Variants in LARP1B observed in about 807,000 individuals in gnomAD.
The protein encoded by LARP1B is la-related protein 1B.
Under a neutral mutation model 114.2 loss-of-function variants are expected in LARP1B, and 76 were observed. The ratio of observed to expected loss-of-function variants is 0.67; its 90% CI spans 0.55 to 0.81. The LOEUF is 0.81. Ranked by LOEUF, LARP1B falls within the 30% of genes least tolerant of loss-of-function variation. The probability of loss-of-function intolerance (pLI) is 0.00; values close to 1 mark genes in which losing one functional copy is unlikely to be tolerated. For synonymous variants in LARP1B, 345 were observed against 348.0 expected (o/e 0.99, Z 0.10); for missense variants, 1,014 against 1,075.8 (o/e 0.94, Z 0.80).
chr4:128,216,985 CA>C (rs1759548154), downstream of LARP1B, among the ~76,000 whole-genome samples: 1 of 151,104 alleles, frequency 6.6e-6, no homozygotes, highest in Non-Finnish European at 1.5e-5. Flanking sequence ...CACAGAAATA[CA>C]AACTACCATC....
chr4:128,084,402 C>A (rs1772403153), intron 5 of LARP1B, among the ~76,000 whole-genome samples: 1 of 152,266 alleles, frequency 6.6e-6, no homozygotes, highest in Non-Finnish European at 1.5e-5. Flanking sequence ...GCTGGCGGAT[C>A]ACTCGCGGTT....
chr4:128,156,788 G>T (rs1270151050), intron 11 of LARP1B, among the ~76,000 whole-genome samples: 1 of 146,076 alleles, frequency 6.8e-6, no homozygotes, highest in Non-Finnish European at 1.5e-5. Flanking sequence ...TCCACAGTGA[G>T]AGCAGCTGCT....
chr4:128,193,274 C>T (rs1451030118), intron 15 of LARP1B, among the ~76,000 whole-genome samples: 1 of 152,070 alleles, frequency 6.6e-6, no homozygotes, highest in Non-Finnish European at 1.5e-5. Flanking sequence ...ACATTAAATC[C>T]TTCATATATA....
At chr4:128,167,219 G>C (rs747299834) in intron 12 of LARP1B, among the ~76,000 whole-genome samples, 2 of 151,780 alleles carry the variant, frequency 1.3e-5, no homozygotes, top group East Asian at 3.9e-4. Context: ...CATTTCCTTT[G>C]GGTATATATA....
downstream of LARP1B, among the ~76,000 whole-genome samples, chr4:128,216,701 C>G (rs945327242): frequency 2.8e-4 from 42 of 150,012 alleles, 1 homozygote; most frequent in South Asian, 6.4e-4. Context: ...AGGAAAGATC[C>G]AAAATTGACA....
intron 1 of LARP1B, among the ~76,000 whole-genome samples, chr4:128,063,094 C>T (rs1233191513): frequency 6.6e-6 from 1 of 152,014 alleles, no homozygotes; most frequent in East Asian, 1.9e-4. Context: ...GCTGTATGGC[C>T]GTCGGTGCTT....
Position 128,124,983 on chromosome 4 carries a change from A to G in LARP1B, c.1524+2795A>G, listed in dbSNP as rs73848732. On this transcript the variant is annotated intron_variant, in intron 11 of 19. Coordinates refer to ENST00000326639, the MANE Select transcript of LARP1B (RefSeq NM_018078.4). ...CTGCAAAAAGAGTTTTGGTGGATCC[A>G]GAAGCTATGTTGAACTGGACCAAAG... Among the ~76,000 whole-genome samples, 1,510 of 152,330 alleles carry G rather than the reference A, an allele frequency of 9.9e-3. 23 individuals are homozygous for G. The highest frequency in any genetic ancestry group is 0.033 in the African/African-American group (1,381 of 41,580).
chr4:128,132,472 C>T lies in LARP1B; in HGVS notation c.1524+10284C>T, dbSNP rs546115535. 1.3e-3 allele frequency among the ~76,000 whole-genome samples: 200 copies of T among 152,164 alleles called. 2 individuals are homozygous for T. Among genetic ancestry groups the T allele is most frequent in the Non-Finnish European group, 2.4e-3 (161 of 68,000 alleles). ...TGTTGGCCAGGCTGGTCTCAAACTC[C>T]TGACCTCAAGTGATCTGCCTGCATC... On this transcript the variant is annotated intron_variant, in intron 11 of 19. Transcript: ENST00000326639.
intron 9 of LARP1B, among the ~76,000 whole-genome samples, chr4:128,114,184 AGCTTAACTATG>A (rs1785046979): frequency 6.6e-6 from 1 of 152,330 alleles, no homozygotes; most frequent in African/African-American, 2.4e-5. Context: ...ATGTGCATTT[AGCTTAACTATG>A]GCTTAATAGC....
At position 128,091,399 on chromosome 4, in the gene LARP1B, A is replaced by T; in HGVS notation, c.555A>T (p.Gln185His). The T allele has an allele frequency of 1.2e-6, 2 of 1,612,366 alleles. No individual in the cohort carries two copies. Among genetic ancestry groups the T allele is most frequent in the South Asian group, 2.2e-5 (2 of 91,008 alleles). ...GYQEHGERTD[Q>H]PFQTELNTSM... ...AAGAACATGGTGAAAGGACTGATCA[A>T]CCATTTCAAACAGAACTTAATACCA... is the stretch of plus-strand genomic sequence containing the variant. Residue 185 changes from glutamine to histidine, a missense_variant, in exon 7 of 20, where the codon CAA becomes CAT. Transcript: ENST00000326639.
chr4:128,072,860 T>C (rs1579811542), intron 1 of LARP1B, among the ~76,000 whole-genome samples: 1 of 152,140 alleles, frequency 6.6e-6, no homozygotes, highest in East Asian at 1.9e-4. Context: ...GCCTGGCCTG[T>C]ATATATAAAA....
intron 11 of LARP1B, chr4:128,122,930 ATTAAGT>A (rs1310004700): frequency 2.0e-6 from 2 of 985,876 alleles, no homozygotes; most frequent in Non-Finnish European, 2.4e-6. Flanking sequence ...TTTTTCTGCT[ATTAAGT>A]TTATCAGAAA....
intron 19 of LARP1B, among the ~76,000 whole-genome samples, chr4:128,209,103 A>G (rs1477812871): frequency 6.6e-6 from 1 of 152,150 alleles, no homozygotes; most frequent in Admixed American, 6.5e-5. Flanking sequence ...CTCAGGCCCT[A>G]AAAAATGAGA....
intron 5 of LARP1B, among the ~76,000 whole-genome samples, chr4:128,086,044 C>T (rs1478452806): frequency 1.5e-5 from 2 of 136,864 alleles, no homozygotes; most frequent in African/African-American, 5.6e-5. Context: ...GACTGAGTCT[C>T]GCTCTGTCGC....
At position 128,069,198 on chromosome 4, in the gene LARP1B, C is replaced by T. The variant is rs1173830058; in HGVS notation, c.-77-5262C>T. 4.5e-6 allele frequency: 5 copies of T among 1,104,984 alleles called. No homozygotes were observed. In the Admixed American group the frequency reaches 5.1e-5, roughly 11 times the overall value. The allele number at this position is 1,104,984 out of a possible 1,614,324, so 68.4% of individuals were successfully genotyped here. A position where few individuals can be genotyped will look rare whatever the true frequency, so the allele number is the denominator to read the frequency against. ...GGTGATCCATTGGGTGTCAGGATTT[C>T]TTCTGATAGCTTTATGGAATGGATC... On this transcript the variant is annotated intron_variant, in intron 1 of 19. Coordinates refer to ENST00000326639, the MANE Select transcript of LARP1B (RefSeq NM_018078.4).
rs1561080086 is a variant in LARP1B, at chr4:128,077,911, G to A, written c.166G>A (p.Gly56Ser). The A allele has an allele frequency of 6.2e-7, 1 of 1,613,334 alleles. No homozygotes were observed. The highest frequency in any genetic ancestry group is 1.1e-5 in the South Asian group (1 of 90,762). ...CCGGGAAACAAAATTAAATGGTCCT[G>A]GTGAAAACGTCAGTGAGGATGAGGC... The part of the protein sequence containing the change: ...ENRETKLNGP[G>S]ENVSEDEAQS... The change falls in exon 4 of 20, where the codon GGT (glycine) becomes AGT (serine). Residue 56 changes from glycine to serine, a missense_variant. Coordinates refer to ENST00000326639, the MANE Select transcript of LARP1B (RefSeq NM_018078.4).
intron 12 of LARP1B, among the ~76,000 whole-genome samples, chr4:128,166,799 T>C (rs1581203766): frequency 6.6e-6 from 1 of 151,180 alleles, no homozygotes; most frequent in Non-Finnish European, 1.5e-5. Flanking sequence ...AAAGATTCTA[T>C]ATATAAGTGA....
intron 11 of LARP1B, among the ~76,000 whole-genome samples, chr4:128,147,686 A>T (rs1346023325): frequency 6.6e-6 from 1 of 152,218 alleles, no homozygotes; most frequent in African/African-American, 2.4e-5. Context: ...TTCAAAATTA[A>T]AAACTTATAA....
At chr4:128,101,444 G>GTATA (rs906328884) in intron 8 of LARP1B, among the ~76,000 whole-genome samples, 2 of 151,850 alleles carry the variant, frequency 1.3e-5, no homozygotes, top group Non-Finnish European at 1.5e-5. Flanking sequence ...ATTTGTTGGT[G>GTATA]TATAATTAAT....
Sources: allele counts gnomAD v4.1 joint callset (sites outside exome capture counted in the v4.1 genomes callset), GRCh38; gene constraint gnomAD v4.1.1; transcripts MANE v1.5; gene names NCBI Gene and HGNC (gene_info 2026-07-23, HGNC 2026-07-21).